DNAJC6: variants seen among roughly 807,000 people sequenced by gnomAD.
The protein encoded by DNAJC6 is auxilin.
A neutral mutation model predicts 110.0 loss-of-function variants in DNAJC6; 34 were observed. The observed-to-expected ratio is 0.31, with a 90% CI of 0.24 to 0.41. The LOEUF is 0.41. Ranked by LOEUF, DNAJC6 falls within the 10% of genes least tolerant of loss-of-function variation. The pLI is 1.00. For synonymous variants in DNAJC6, 406 were observed against 437.2 expected, an observed-to-expected ratio of 0.93 and a Z score of 0.89; for missense variants, 1,031 against 1,207.8, an observed-to-expected ratio of 0.85 and a Z score of 2.17.
rs1646150368 is a variant in DNAJC6 at position 65,413,972 on chromosome 1, C to T, written c.*947C>T. 6.6e-6 allele frequency: 1 copy of T among 152,082 alleles called. No homozygotes were observed. The highest frequency in any genetic ancestry group is 2.4e-5 in the African/African-American group (1 of 41,370). 9.4% of individuals were successfully genotyped at this position (152,082 alleles called of 1,614,324 possible). On this transcript the variant is annotated 3_prime_UTR_variant, in exon 19 of 19. Coordinates refer to ENST00000371069, the MANE Select transcript of DNAJC6 (RefSeq NM_001256864.2). ...ATATCTAGTGTGGACTCAGTGTTCT[C>T]TAGGTTTGTGAGCAGTTGTGGTAAG...
At chr1:65,323,972 C>T (rs1023411715) in intron 1 of DNAJC6, among the ~76,000 whole-genome samples, 3 of 152,166 alleles carry the variant, frequency 2.0e-5, no homozygotes, top group African/African-American at 7.2e-5. Context: ...AAACTGCTCA[C>T]TGTATTCCTT....
chr1:65,337,318 G>A (rs1275385032), intron 1 of DNAJC6, among the ~76,000 whole-genome samples: 1 of 149,714 alleles, frequency 6.7e-6, no homozygotes, highest in African/African-American at 2.5e-5. Flanking sequence ...TTGTTTGCTG[G>A]ACTATTTCTA....
chr1:65,357,566 G>A (rs1313125273), intron 1 of DNAJC6, among the ~76,000 whole-genome samples: 6 of 152,208 alleles, frequency 3.9e-5, no homozygotes, highest in African/African-American at 1.4e-4. Flanking sequence ...ATCATCTTGA[G>A]TATTGATGCT....
intron 1 of DNAJC6, among the ~76,000 whole-genome samples, chr1:65,300,043 C>CAAAA (rs59681451): frequency 5.4e-5 from 6 of 112,044 alleles, no homozygotes; most frequent in African/African-American, 1.6e-4. Flanking sequence ...AACTCCATCT[C>CAAAA]AAAAAAAAAA....
intron 1 of DNAJC6, among the ~76,000 whole-genome samples, chr1:65,266,356 TAAAC>T (rs1207998900): frequency 6.6e-6 from 1 of 152,270 alleles, no homozygotes; most frequent in South Asian, 2.1e-4. Context: ...TGAAGGCTCT[TAAAC>T]AATCCCACTT....
intron 6 of DNAJC6, among the ~76,000 whole-genome samples, chr1:65,384,928 T>G (rs1645856978): frequency 6.6e-6 from 1 of 152,222 alleles, no homozygotes; most frequent in African/African-American, 2.4e-5. Flanking sequence ...AATACTTATA[T>G]CCAACTTCCC....
At chr1:65,392,040 T>A (rs544054760) in intron 11 of DNAJC6, among the ~76,000 whole-genome samples, 1 of 152,248 alleles carries the variant, frequency 6.6e-6, no homozygotes, top group South Asian at 2.1e-4. Flanking sequence ...CCTCCTAAAG[T>A]GCTGGGATTA....
intron 1 of DNAJC6, chr1:65,279,934 C>T (rs908566706): frequency 3.3e-5 from 5 of 152,558 alleles, no homozygotes; most frequent in Non-Finnish European, 5.9e-5. Flanking sequence ...TAAAAGAAAG[C>T]TACCCTTGGA....
intron 14 of DNAJC6, among the ~76,000 whole-genome samples, chr1:65,401,139 T>C (rs184447560): frequency 3.1e-4 from 47 of 152,332 alleles, no homozygotes; most frequent in Non-Finnish European, 2.4e-4. Flanking sequence ...TTCATCTGTA[T>C]GTTTTCTTCT....
In DNAJC6 at chr1:65,405,944, C is replaced by A; in HGVS notation, c.2302C>A (p.Gln768Lys). 1 of 1,614,218 alleles carries A rather than the reference C, an allele frequency of 6.2e-7. No individual in the cohort carries two copies. Among genetic ancestry groups the A allele is most frequent in the Non-Finnish European group, 8.5e-7 (1 of 1,180,036 alleles). The change falls in exon 16 of 19, where the codon CAG becomes AAG. Residue 768 changes from glutamine (Q) to lysine (K), a missense_variant. Coordinates refer to ENST00000371069, the MANE Select transcript of DNAJC6 (RefSeq NM_001256864.2). ...GGGFPPLSSP[Q>K]KASPQPMGGG... ...AGGATTCCCGCCTCTCAGCTCGCCA[C>A]AGAAGGCGTCTCCCCAGCCTATGGG...
At chr1:65,374,534 TG>T (rs1184625534) in intron 4 of DNAJC6, among the ~76,000 whole-genome samples, 3 of 152,196 alleles carry the variant, frequency 2.0e-5, no homozygotes, top group Non-Finnish European at 2.9e-5. Flanking sequence ...TTATATTTTT[TG>T]TAGCTATTGG....
intron 1 of DNAJC6, among the ~76,000 whole-genome samples, chr1:65,284,714 G>A (rs1409047056): frequency 6.6e-6 from 1 of 151,454 alleles, no homozygotes; most frequent in Non-Finnish European, 1.5e-5. Context: ...TTGAGACGGA[G>A]TTTCACTTTT....
intron 16 of DNAJC6, among the ~76,000 whole-genome samples, chr1:65,408,073 C>A (rs1228860271): frequency 1.3e-5 from 2 of 152,260 alleles, no homozygotes; most frequent in African/African-American, 2.4e-5. Context: ...AAGTAACTTG[C>A]CTAGATTACA....
intron 5 of DNAJC6, among the ~76,000 whole-genome samples, chr1:65,380,647 T>C (rs930448832): frequency 3.9e-5 from 6 of 152,316 alleles, no homozygotes; most frequent in Middle Eastern, 3.4e-3. Flanking sequence ...AAGAATTTGC[T>C]GTAAGTTCAG....
In DNAJC6 at chr1:65,364,784, A is replaced by C. The variant is rs369490833; in HGVS notation, c.343A>C (p.Ser115Arg). 1 of 1,612,220 alleles carries C rather than the reference A, an allele frequency of 6.2e-7. No homozygotes were observed. Among genetic ancestry groups the C allele is most frequent in the Non-Finnish European group, 8.5e-7 (1 of 1,178,936 alleles). ...TTCTAGAGTGATACAATCTGTGACC[A>C]GGTACGCACATTCTTCCCAGTTAAT... Reference protein sequence around the residue: ...TSSRVIQSVTSYTKGDLDFTY... With the variant: ...TSSRVIQSVTRYTKGDLDFTY... The change falls in exon 2 of 19, where the codon AGC becomes CGC. Residue 115 changes from serine to arginine, a missense_variant and splice_region_variant. Coordinates refer to ENST00000371069, the MANE Select transcript of DNAJC6 (RefSeq NM_001256864.2).
intron 1 of DNAJC6, among the ~76,000 whole-genome samples, chr1:65,303,249 A>G (rs1430400181): frequency 6.6e-6 from 1 of 152,232 alleles, no homozygotes; most frequent in East Asian, 1.9e-4. Flanking sequence ...TAGACCTCAT[A>G]AAACATGATG....
At chr1:65,390,759 C>T (rs574892310) in intron 11 of DNAJC6, among the ~76,000 whole-genome samples, 61 of 152,274 alleles carry the variant, frequency 4.0e-4, no homozygotes, top group African/African-American at 1.4e-3. Context: ...CATAAAATTC[C>T]GTTGAATTGA....
intron 1 of DNAJC6, among the ~76,000 whole-genome samples, chr1:65,332,608 G>T (rs540353693): frequency 6.6e-6 from 1 of 152,310 alleles, no homozygotes; most frequent in African/African-American, 2.4e-5. Flanking sequence ...TGTCACGCTT[G>T]TCAAATATAC....
intron 1 of DNAJC6, among the ~76,000 whole-genome samples, chr1:65,358,194 A>C (rs942282016): frequency 2.8e-4 from 42 of 151,816 alleles, no homozygotes; most frequent in East Asian, 1.2e-3. Context: ...AAAAAAAAAA[A>C]AAAAAACAAA....
Sources: allele counts gnomAD v4.1 joint callset (sites outside exome capture counted in the v4.1 genomes callset), GRCh38; gene constraint gnomAD v4.1.1; transcripts MANE v1.5; gene names NCBI Gene and HGNC (gene_info 2026-07-23, HGNC 2026-07-21).